MED27: variants seen among roughly 807,000 people sequenced by gnomAD.
MED27 encodes mediator complex subunit 27, also known as mediator of RNA polymerase II transcription subunit 27.
MED27 carries 30 observed loss-of-function variants against 38.2 expected under a neutral mutation model. The observed-to-expected ratio is 0.79, with a 90% CI of 0.59 to 1.07. MED27 has a LOEUF of 1.07. Among genes scored for constraint, MED27 ranks in the 50% least tolerant of loss-of-function variants. The pLI is 0.00. For synonymous variants in MED27, 122 were observed against 153.5 expected (o/e 0.79, Z 1.52); for missense variants, 289 against 397.5 (o/e 0.73, Z 2.32).
intron 2 of MED27, among the ~76,000 whole-genome samples, chr9:132,071,698 C>T (rs139015347): frequency 3.0e-4 from 45 of 151,804 alleles, no homozygotes; most frequent in African/African-American, 1.0e-3. Context: ...ATACGAGTAA[C>T]ACGCGTCCAT....
At position 132,041,502 on chromosome 9, in the gene MED27, C is replaced by G. The variant is rs1833209576; in HGVS notation, c.349-27035G>C. Among the ~76,000 whole-genome samples the G allele has an allele frequency of 6.6e-5, 10 of 152,322 alleles. No individual in the cohort carries two copies. In the South Asian group the frequency reaches 2.1e-3, roughly 32 times the overall value. On this transcript the variant is annotated intron_variant, in intron 2 of 7. Coordinates refer to ENST00000292035, the MANE Select transcript of MED27 (RefSeq NM_004269.4). ...TGCAGTTCTGCCAGACAGTAACCATCATGCTACCGACTGCAGCGTCCACAG... is the reference window on the plus strand; with the variant it reads ...TGCAGTTCTGCCAGACAGTAACCATGATGCTACCGACTGCAGCGTCCACAG...
In MED27 at chr9:132,059,168, G is replaced by A. The variant is rs1251942126; in HGVS notation, c.348+18274C>T. ...CAAAGATAAAAGGGGACAGCTCTCCGCAACTGAGACACAACATACGGGACC... is the reference window on the plus strand; with the variant it reads ...CAAAGATAAAAGGGGACAGCTCTCCACAACTGAGACACAACATACGGGACC... On this transcript the variant is annotated intron_variant, in intron 2 of 7. Coordinates refer to ENST00000292035, the MANE Select transcript of MED27 (RefSeq NM_004269.4). 3.3e-5 allele frequency among the ~76,000 whole-genome samples: 5 copies of A among 152,272 alleles called. No individual in the cohort carries two copies. In the East Asian group the frequency reaches 5.8e-4, roughly 18 times the overall value.
chr9:131,860,409 C>CG lies in MED27; in HGVS notation c.*128dup. On this transcript the variant is annotated 3_prime_UTR_variant, in exon 8 of 8. Coordinates refer to ENST00000292035, the MANE Select transcript of MED27 (RefSeq NM_004269.4). The surrounding 1 kb of genome is among the most constrained non-coding windows in gnomAD (Gnocchi z 5.8). The stretch of plus-strand genomic sequence containing the variant: ...TCAAGAGTGGCCTCTGCACACATGG[C>CG]GCTGCTTTATGAAAGGGAGGAGCAG... 1 of 1,118,214 alleles carries CG rather than the reference C, an allele frequency of 8.9e-7. No individual in the cohort carries two copies. The highest frequency in any genetic ancestry group is 3.1e-4 in the Middle Eastern group (1 of 3,246). 69.3% of individuals were successfully genotyped at this position (1,118,214 alleles called of 1,614,324 possible).
At chr9:131,899,421 T>G (rs930618169) in intron 4 of MED27, among the ~76,000 whole-genome samples, 1 of 151,986 alleles carries the variant, frequency 6.6e-6, no homozygotes, top group African/African-American at 2.4e-5. Context: ...CGGTGGCCAT[T>G]TGGTGTGCAA....
chr9:131,907,359 AGGCACGCGCC>A, intron 4 of MED27, among the ~76,000 whole-genome samples: 1 of 151,662 alleles, frequency 6.6e-6, no homozygotes, highest in Non-Finnish European at 1.5e-5. Context: ...CTGCGACTGC[AGGCACGCGCC>A]GCCACGCCTG....
At chr9:131,929,749 A>C (rs1830547164) in intron 4 of MED27, among the ~76,000 whole-genome samples, 1 of 152,156 alleles carries the variant, frequency 6.6e-6, no homozygotes, top group Non-Finnish European at 1.5e-5. Flanking sequence ...TAGATTTCTA[A>C]GGTTTTTGAC....
At chr9:131,979,610 A>G (rs745805240) in intron 3 of MED27, among the ~76,000 whole-genome samples, 1 of 152,160 alleles carries the variant, frequency 6.6e-6, no homozygotes, top group Non-Finnish European at 1.5e-5. Flanking sequence ...GGAATATGGC[A>G]GGTGCTCAAT....
At chr9:131,975,479 CT>C (rs1401846304) in intron 3 of MED27, among the ~76,000 whole-genome samples, 5 of 152,204 alleles carry the variant, frequency 3.3e-5, no homozygotes, top group African/African-American at 1.2e-4. Context: ...AATGAACAAG[CT>C]TCATCAATTT....
intron 5 of MED27, among the ~76,000 whole-genome samples, chr9:131,887,454 C>CT (rs1839159379): frequency 6.6e-6 from 1 of 152,164 alleles, no homozygotes; most frequent in African/African-American, 2.4e-5. Context: ...CCCTCTTTTG[C>CT]TAGGAGTGCA....
At chr9:131,951,672 C>T (rs201772675) in intron 3 of MED27, among the ~76,000 whole-genome samples, 3 of 152,218 alleles carry the variant, frequency 2.0e-5, no homozygotes, top group Admixed American at 2.0e-4. Flanking sequence ...GGAGTGAACA[C>T]AGCACATAAA....
rs563270118 is a variant in MED27 at position 131,868,920 on chromosome 9, T to A, written c.724-5780A>T. 1.3e-5 allele frequency: 13 copies of A among 985,486 alleles called. No homozygotes were observed. The South Asian group carries it at 5.6e-4, about 43-fold the overall frequency. 61.0% of individuals were successfully genotyped at this position (985,486 alleles called of 1,614,324 possible). ...CTGAATTCACTAGAAAGTGTCCTCT[T>A]CAGAGGCGGCGGGAGCCATGCGCCA... On this transcript the variant is annotated intron_variant, in intron 6 of 7. Transcript: ENST00000292035.
At chr9:131,937,923 A>T (rs1390306111) in intron 4 of MED27, among the ~76,000 whole-genome samples, 2 of 151,720 alleles carry the variant, frequency 1.3e-5, no homozygotes, top group Non-Finnish European at 2.9e-5. Flanking sequence ...GAGGCAGACG[A>T]TATTTTGTGT....
chr9:131,898,106 T>G (rs1829864931), intron 4 of MED27, among the ~76,000 whole-genome samples: 1 of 151,734 alleles, frequency 6.6e-6, no homozygotes, highest in African/African-American at 2.4e-5. Flanking sequence ...GTTTGATTTT[T>G]TTTTTTTTTT....
intron 6 of MED27, among the ~76,000 whole-genome samples, chr9:131,874,491 G>C (rs950325486): frequency 2.0e-5 from 3 of 152,164 alleles, no homozygotes; most frequent in African/African-American, 7.2e-5. Context: ...AGAGAAAGTG[G>C]ACAGGAGTGT....
intron 6 of MED27, among the ~76,000 whole-genome samples, chr9:131,864,661 G>A (rs11788748): frequency 1.3e-5 from 2 of 152,282 alleles, no homozygotes; most frequent in African/African-American, 4.8e-5. Context: ...TGGGCAGGTG[G>A]AGACCAGGGT....
chr9:131,946,804 T>C (rs1364551260), intron 3 of MED27, among the ~76,000 whole-genome samples: 2 of 152,206 alleles, frequency 1.3e-5, no homozygotes, highest in Non-Finnish European at 2.9e-5. Flanking sequence ...CGTGCCTGGG[T>C]CATTCCTATT....
At chr9:131,950,536 G>A (rs570335213) in intron 3 of MED27, among the ~76,000 whole-genome samples, 82 of 152,170 alleles carry the variant, frequency 5.4e-4, no homozygotes, top group Middle Eastern at 6.8e-3. Context: ...TTTTTTTAAC[G>A]TCCCTGAGAA....
chr9:131,868,517 T>G, intron 6 of MED27: 1 of 938,522 alleles, frequency 1.1e-6, no homozygotes, highest in Non-Finnish European at 1.3e-6. Context: ...CTCAAGTGAT[T>G]CTTCTGCCTC....
intron 4 of MED27, among the ~76,000 whole-genome samples, chr9:131,906,507 G>T (rs558092561): frequency 6.6e-6 from 1 of 152,352 alleles, no homozygotes; most frequent in East Asian, 1.9e-4. Context: ...TTGAGACTCT[G>T]ATGAGGAGCT....
Sources: allele counts gnomAD v4.1 joint callset (sites outside exome capture counted in the v4.1 genomes callset), GRCh38; gene constraint gnomAD v4.1.1; non-coding constraint Gnocchi (gnomAD v3.1); transcripts MANE v1.5; gene names NCBI Gene and HGNC (gene_info 2026-07-23, HGNC 2026-07-21).